The following SON variants were observed in gnomAD, a reference collection of about 807,000 sequenced individuals.
SON encodes protein SON.
A neutral mutation model predicts 173.3 loss-of-function variants in SON; 4 were observed. The ratio of observed to expected loss-of-function variants is 0.02; its 90% CI spans 0.01 to 0.05. The LOEUF is 0.05. Ranked by LOEUF, SON falls within the 10% of genes least tolerant of loss-of-function variation. The probability of loss-of-function intolerance (pLI) is 1.00; values close to 1 mark genes in which losing one functional copy is unlikely to be tolerated. For synonymous variants in SON, 1,190 were observed against 1,105.9 expected (o/e 1.08, Z -1.51); for missense variants, 2,626 against 3,055.3 (o/e 0.86, Z 3.31).
chr21:33,567,566 C>A (rs756939635), intron 7 of SON: 23 of 326,196 alleles, frequency 7.1e-5, no homozygotes, highest in Non-Finnish European at 1.1e-4. Context: ...GTGCCTACAA[C>A]CCTATGAAAT....
rs138957569 is a variant in SON, at chr21:33,553,814, A to G, written c.4583A>G (p.His1528Arg). Residue 1528 changes from histidine (H) to arginine (R), a missense_variant, in exon 3 of 12, where the codon CAT becomes CGT. This residue lies in a region of SON where 1,006 missense variants were observed against 895.6 expected (regional missense o/e 1.12). Coordinates refer to ENST00000356577, the MANE Select transcript of SON (RefSeq NM_138927.4). ...AAAGGTGACTTTTACGAAAGTGAAC[A>G]TGGTATAAATATAGACCTTAATATA... ...HLKGDFYESE[H>R]GINIDLNINN... is the part of the protein sequence containing the mutation. The G allele has an allele frequency of 3.5e-4, 570 of 1,614,086 alleles. 3 individuals carry two copies. In the African/African-American group the frequency reaches 7.0e-3, roughly 20 times the overall value.
At position 33,559,838 on chromosome 21, in the gene SON, A is replaced by T. The variant is rs770296698; in HGVS notation, c.6657+63A>T. On this transcript the variant is annotated intron_variant, in intron 6 of 11. Transcript: ENST00000356577. The surrounding 1 kb of genome is among the most constrained non-coding windows in gnomAD (Gnocchi z 4.1). ...TACCTGAATCTGCCATTTCATTGTT[A>T]TGTTATGTCTGATTTGGATTCTGTT... 2 of 1,604,628 alleles carry T rather than the reference A, an allele frequency of 1.2e-6. No homozygotes were observed. The highest frequency in any genetic ancestry group is 1.7e-6 in the Non-Finnish European group (2 of 1,173,878).
rs1601267467 is a variant in SON, at chr21:33,553,291, T to G, written c.4060T>G (p.Ser1354Ala). The G allele has an allele frequency of 6.2e-7, 1 of 1,614,084 alleles. No individual in the cohort carries two copies. The highest frequency in any genetic ancestry group is 8.5e-7 in the Non-Finnish European group (1 of 1,180,000). ...GCCGCCAGCCATGGCTGCCCCAGAG[T>G]CTTCAGCTATGGCTGTCCTGGAGTC... is the stretch of plus-strand genomic sequence containing the variant. ...LEPPAMAAPE[S>A]SAMAVLESSA... Residue 1354 changes from serine (S) to alanine (A), a missense_variant, in exon 3 of 12, where the codon TCT (serine) becomes GCT (alanine). Around this residue, in one of 13 missense-constraint regions of SON, gnomAD observed 1,006 missense variants for 895.6 expected, o/e 1.12. Transcript: ENST00000356577.
intron 8 of SON, 186 bp from the exon 9 acceptor site, chr21:33,573,122 C>T (rs1162448759): frequency 2.4e-5 from 11 of 454,066 alleles, no homozygotes; most frequent in African/African-American, 4.1e-5. Context: ...AATACTATTA[C>T]GTTAATGTGC....
At chr21:33,560,380 T>A (rs895673909) in intron 6 of SON, 7 of 1,185,764 alleles carry the variant, frequency 5.9e-6, no homozygotes, top group Non-Finnish European at 6.3e-6. Context: ...TCAGCCTTGG[T>A]ACTCCATTCC....
intron 2 of SON, among the ~76,000 whole-genome samples, chr21:33,547,470 G>A (rs1466316845): frequency 6.6e-6 from 1 of 152,060 alleles, no homozygotes; most frequent in African/African-American, 2.4e-5. Context: ...TCATTACCTT[G>A]ATTTAGTTCT....
Position 33,551,723 on chromosome 21 carries a change from T to A in SON, c.2492T>A (p.Met831Lys), listed in dbSNP as rs765286203. Residue 831 changes from methionine (M) to lysine (K), a missense_variant, in exon 3 of 12, where the codon ATG becomes AAG. Met to Lys is a moderately conservative substitution (Grantham distance 95). Around this residue, in one of 13 missense-constraint regions of SON, gnomAD observed 38 missense variants for 92.1 expected, o/e 0.41. Coordinates refer to ENST00000356577, the MANE Select transcript of SON (RefSeq NM_138927.4). ...MDSQMLATSS[M>K]DSQMLATSTM... ...TCCCAGATGTTAGCAACCAGCTCCA[T>A]GGACTCCCAGATGTTAGCAACCAGC... The A allele has an allele frequency of 1.9e-6, 3 of 1,612,574 alleles. No homozygotes were observed. Among genetic ancestry groups the A allele is most frequent in the Non-Finnish European group, 2.5e-6 (3 of 1,180,016 alleles).
chr21:33,543,330 C>G (rs1601246500), intron 1 of SON, 161 bp downstream of exon 1: 1 of 650,474 alleles, frequency 1.5e-6, no homozygotes, highest in East Asian at 2.7e-5. Flanking sequence ...CCAACCGCCC[C>G]CCCAGCCGCT....
At chr21:33,556,305 A>G (rs990546507) in intron 3 of SON, among the ~76,000 whole-genome samples, 1 of 152,222 alleles carries the variant, frequency 6.6e-6, no homozygotes, top group African/African-American at 2.4e-5. Flanking sequence ...AACACTGTCT[A>G]AAAAGGACAG....
rs2145825761 is a variant in SON at position 33,552,036 on chromosome 21, T to C, written c.2805T>C (p.Tyr935=). The change falls in exon 3 of 12, where the codon TAT becomes TAC. Residue 935 remains tyrosine (Y), a synonymous_variant. Coordinates refer to ENST00000356577, the MANE Select transcript of SON (RefSeq NM_138927.4). This position sits in a 1 kb window ranked among gnomAD's most constrained non-coding sequence, Gnocchi z 5.6. The part of the protein sequence containing the change: ...QDPYRLGHDP[Y]RLGHDAYRLG... ...CCTATAGGTTGGGCCATGACCCCTA[T>C]AGATTAGGTCATGATGCTTACAGGT... 2 of 1,614,070 alleles carry C rather than the reference T, an allele frequency of 1.2e-6. No individual in the cohort carries two copies. The highest frequency in any genetic ancestry group is 1.1e-5 in the South Asian group (1 of 91,076).
At chr21:33,549,129 A>G (rs1188195716) in intron 2 of SON, among the ~76,000 whole-genome samples, 1 of 146,524 alleles carries the variant, frequency 6.8e-6, no homozygotes, top group African/African-American at 2.5e-5. Flanking sequence ...CCTAGGCTGG[A>G]GTACAGTGGT....
chr21:33,546,437 T>G, intron 2 of SON, 58 bp downstream of exon 2: 1 of 1,374,016 alleles, frequency 7.3e-7, no homozygotes, highest in Non-Finnish European at 1.0e-6. Context: ...TTTTGAAATT[T>G]GAAGGTTAAT....
intron 1 of SON, 164 bp downstream of exon 1, chr21:33,543,333 C>T: frequency 1.6e-6 from 1 of 642,440 alleles, no homozygotes; most frequent in East Asian, 2.7e-5. Context: ...ACCGCCCCCC[C>T]AGCCGCTCCC....
chr21:33,562,532 T>C (rs533682395), intron 6 of SON, among the ~76,000 whole-genome samples: 180 of 152,318 alleles, frequency 1.2e-3, no homozygotes, highest in Admixed American at 2.4e-3. Context: ...GTCTTGCATA[T>C]GAATGCTCTT....
At chr21:33,549,143 A>G (rs2085692519) in intron 2 of SON, among the ~76,000 whole-genome samples, 1 of 145,766 alleles carries the variant, frequency 6.9e-6, no homozygotes. Flanking sequence ...CAGTGGTGCA[A>G]TTTCAGCTCA....
In SON at chr21:33,572,699, T is replaced by A. The variant is rs1295265495; in HGVS notation, c.6886-609T>A. The A allele has an allele frequency of 1.0e-5, 8 of 783,264 alleles. No homozygotes were observed. The Admixed American group carries it at 1.7e-4, about 16-fold the overall frequency. 48.5% of individuals were successfully genotyped at this position (783,264 alleles called of 1,614,324 possible). On this transcript the variant is annotated intron_variant, in intron 8 of 11. Coordinates refer to ENST00000356577, the MANE Select transcript of SON (RefSeq NM_138927.4). Reference sequence around the variant, plus strand: ...AAGCTAGGTTTTAAAAGAATTCAAATTCATTTTGGCATACTTACAGGATAT... The same window carrying A: ...AAGCTAGGTTTTAAAAGAATTCAAAATCATTTTGGCATACTTACAGGATAT...
At chr21:33,573,482 A>T (rs193219651) in intron 9 of SON, 27 bp downstream of exon 9, 1 of 1,595,412 alleles carries the variant, frequency 6.3e-7, no homozygotes, top group East Asian at 2.2e-5. Flanking sequence ...TGGAATGTTT[A>T]TTAACGTCTC....
intron 4 of SON, 92 bp downstream of exon 4, chr21:33,557,408 C>G: frequency 6.5e-7 from 1 of 1,542,968 alleles, no homozygotes; most frequent in Non-Finnish European, 8.8e-7. Flanking sequence ...GTGGGCAGAA[C>G]TGATAATGGC....
chr21:33,547,705 CTTTTTTTTT>C (rs928851742), intron 2 of SON, among the ~76,000 whole-genome samples: 1,308 of 70,984 alleles, frequency 0.018, 26 homozygotes, highest in African/African-American at 0.065. Flanking sequence ...CTTCTGTAGT[CTTTTTTTTT>C]TTTTTTTTTT....
Sources: allele counts gnomAD v4.1 joint callset (sites outside exome capture counted in the v4.1 genomes callset), GRCh38; gene constraint gnomAD v4.1.1; regional missense constraint gnomAD v4.1.1; non-coding constraint Gnocchi (gnomAD v3.1); transcripts MANE v1.5; gene names NCBI Gene and HGNC (gene_info 2026-07-23, HGNC 2026-07-21).